PDGFC: variants seen among roughly 807,000 people sequenced by gnomAD.
PDGFC encodes the protein platelet-derived growth factor C.
Under a neutral mutation model 35.5 loss-of-function variants are expected in PDGFC, and 12 were observed. The ratio of observed to expected loss-of-function variants is 0.34; its 90% confidence interval spans 0.22 to 0.55. The LOEUF is 0.55. Among genes scored for constraint, PDGFC ranks in the 20% least tolerant of loss-of-function variants. The probability of loss-of-function intolerance (pLI) is 0.91; values close to 1 mark genes in which losing one functional copy is unlikely to be tolerated. For missense variants in PDGFC, 322 were observed against 412.4 expected (o/e 0.78, Z 1.90); for synonymous variants, 159 against 148.8 (o/e 1.07, Z -0.50).
At chr4:156,905,027 A>C (rs2110781200) in intron 1 of PDGFC, among the ~76,000 whole-genome samples, 1 of 152,226 alleles carries the variant, frequency 6.6e-6, no homozygotes, top group South Asian at 2.1e-4. Flanking sequence ...CACTTGCTTA[A>C]ATTCCTGTAT....
intron 1 of PDGFC, among the ~76,000 whole-genome samples, chr4:156,932,593 G>A (rs1054906253): frequency 1.3e-5 from 2 of 152,002 alleles, no homozygotes; most frequent in African/African-American, 4.8e-5. Flanking sequence ...CATGTCCTTT[G>A]TAGGGACATG....
intron 2 of PDGFC, among the ~76,000 whole-genome samples, chr4:156,832,170 T>C (rs933543657): frequency 2.0e-5 from 3 of 152,020 alleles, no homozygotes; most frequent in Non-Finnish European, 1.5e-5. Flanking sequence ...CCTCCCTCCA[T>C]GCACTATTTC....
intron 2 of PDGFC, among the ~76,000 whole-genome samples, chr4:156,827,670 T>C (rs1417688888): frequency 6.6e-6 from 1 of 152,136 alleles, no homozygotes; most frequent in Non-Finnish European, 1.5e-5. Context: ...ATGTGTGCTG[T>C]TATGTCAAAA....
rs72683329 is a variant in PDGFC, at chr4:156,769,792, A to C, written c.704-1802T>G. Among the ~76,000 whole-genome samples, 550 of 152,156 alleles carry C rather than the reference A, an allele frequency of 3.6e-3. 2 individuals carry two copies. The highest frequency in any genetic ancestry group is 5.4e-3 in the Non-Finnish European group (369 of 67,878). On this transcript the variant is annotated intron_variant, in intron 4 of 5. Transcript: ENST00000502773. The stretch of plus-strand genomic sequence containing the variant: ...TGCTGATCTAATAGTATATGCATAC[A>C]TTCCTCTTTAATTGTTAAAACTATA...
chr4:156,791,419 T>G (rs966935736), intron 3 of PDGFC, among the ~76,000 whole-genome samples: 6 of 152,092 alleles, frequency 3.9e-5, no homozygotes, highest in Admixed American at 1.3e-4. Context: ...GAGTCTGACA[T>G]GCTTTAAAAT....
intron 1 of PDGFC, among the ~76,000 whole-genome samples, chr4:156,944,295 T>C (rs1487727273): frequency 6.6e-6 from 1 of 152,200 alleles, no homozygotes; most frequent in East Asian, 1.9e-4. Context: ...ACTGAGTATG[T>C]CTTAGCTATA....
rs1732597652 is a variant in PDGFC at position 156,971,623 on chromosome 4, C to A, written c.-720G>T. ...CCGCAGCACGGATTCCGGCACCTGG[C>A]TTGAGTTTTCCGCGACCAAAGTTCA... On this transcript the variant is annotated 5_prime_UTR_variant, in exon 1 of 6. Transcript: ENST00000502773. Among the ~76,000 whole-genome samples, 1 of 151,748 alleles carries A rather than the reference C, an allele frequency of 6.6e-6. No individual in the cohort carries two copies. The highest frequency in any genetic ancestry group is 6.6e-5 in the Admixed American group (1 of 15,236).
At chr4:156,893,779 A>C (rs1424418980) in intron 1 of PDGFC, among the ~76,000 whole-genome samples, 2 of 152,242 alleles carry the variant, frequency 1.3e-5, no homozygotes, top group Non-Finnish European at 2.9e-5. Context: ...AGGGGCAATC[A>C]AAATAATTAT....
At chr4:156,906,083 T>C (rs138089043) in intron 1 of PDGFC, among the ~76,000 whole-genome samples, 2,489 of 152,276 alleles carry the variant, frequency 0.016, 74 homozygotes, top group African/African-American at 0.057. Flanking sequence ...ATGTTATAGA[T>C]GACATATAAC....
At chr4:156,827,122 A>C (rs1728783654) in intron 2 of PDGFC, among the ~76,000 whole-genome samples, 1 of 152,332 alleles carries the variant, frequency 6.6e-6, no homozygotes, top group Middle Eastern at 3.4e-3. Flanking sequence ...ATTTGCCTTT[A>C]GTAAGAACAG....
intron 3 of PDGFC, among the ~76,000 whole-genome samples, chr4:156,777,923 G>C (rs1179796525): frequency 6.6e-6 from 1 of 151,992 alleles, no homozygotes; most frequent in Non-Finnish European, 1.5e-5. Context: ...GGCCAACATA[G>C]TGAAACCCCA....
intron 2 of PDGFC, among the ~76,000 whole-genome samples, chr4:156,833,411 A>C (rs1728991052): frequency 6.6e-6 from 1 of 152,198 alleles, no homozygotes; most frequent in South Asian, 2.1e-4. Flanking sequence ...GAGAGAATAA[A>C]CTTTAACTTT....
intron 5 of PDGFC, among the ~76,000 whole-genome samples, chr4:156,766,868 C>T (rs777088344): frequency 1.1e-4 from 17 of 151,984 alleles, no homozygotes; most frequent in Non-Finnish European, 2.1e-4. Flanking sequence ...TAGAGCTCGG[C>T]TTTCACTTCA....
intron 3 of PDGFC, among the ~76,000 whole-genome samples, chr4:156,776,920 T>C (rs1403724657): frequency 6.6e-6 from 1 of 152,190 alleles, no homozygotes; most frequent in Non-Finnish European, 1.5e-5. Flanking sequence ...AGCTTTTACA[T>C]GTAAAAATTC....
rs1250203364 is a variant in PDGFC at position 156,883,253 on chromosome 4, G to T, written c.119-32837C>A. On this transcript the variant is annotated intron_variant, in intron 1 of 5. Transcript: ENST00000502773. The stretch of plus-strand genomic sequence containing the variant: ...TTCTATTATTTCATAATATTGCACA[G>T]TTAAGAATTTTTTAGAAATCACTAG... 5.3e-5 allele frequency among the ~76,000 whole-genome samples: 8 copies of T among 152,210 alleles called. No homozygotes were observed. In the East Asian group the frequency reaches 1.5e-3, roughly 29 times the overall value.
intron 2 of PDGFC, among the ~76,000 whole-genome samples, chr4:156,819,910 T>C (rs1277672111): frequency 2.0e-5 from 3 of 152,126 alleles, no homozygotes; most frequent in African/African-American, 7.2e-5. Flanking sequence ...GGTCAACATA[T>C]CAACATTAAC....
At chr4:156,949,427 G>A (rs997104899) in intron 1 of PDGFC, among the ~76,000 whole-genome samples, 3 of 151,684 alleles carry the variant, frequency 2.0e-5, no homozygotes, top group African/African-American at 7.3e-5. Context: ...GTATGTGTGT[G>A]TGTCTCTCTC....
chr4:156,763,555 C>T (rs1032235885), intron 5 of PDGFC, among the ~76,000 whole-genome samples: 3 of 152,190 alleles, frequency 2.0e-5, no homozygotes, highest in East Asian at 1.9e-4. Context: ...ATATAAAATT[C>T]GTTTTTCTGT....
At chr4:156,799,397 C>T (rs538850497) in intron 3 of PDGFC, among the ~76,000 whole-genome samples, 23 of 151,380 alleles carry the variant, frequency 1.5e-4, no homozygotes, top group South Asian at 6.2e-4. Context: ...TGCAAAAAGC[C>T]GAAAAAAAAA....
Sources: gnomAD v4.1 joint callset for allele counts (sites outside exome capture counted in the v4.1 genomes callset) on GRCh38, gnomAD v4.1.1 for gene constraint, MANE v1.5 for transcripts, NCBI Gene and HGNC (gene_info 2026-07-23, HGNC 2026-07-21) for gene names.